The following SPTLC3 variants were observed in gnomAD, a reference collection of about 807,000 sequenced individuals.
The protein encoded by SPTLC3 is serine palmitoyltransferase 3.
Under a neutral mutation model 59.3 loss-of-function variants are expected in SPTLC3, and 36 were observed. That is an observed-to-expected ratio of 0.61 (90% CI 0.47 to 0.80). The LOEUF is 0.80. Among genes scored for constraint, SPTLC3 ranks in the 30% least tolerant of loss-of-function variants. The pLI is 0.00. For synonymous variants in SPTLC3, 257 were observed against 240.8 expected, an observed-to-expected ratio of 1.07 and a Z score of -0.62; for missense variants, 625 against 685.1, an observed-to-expected ratio of 0.91 and a Z score of 0.98.
chr20:13,101,825 C>CTG (rs1322436922), intron 6 of SPTLC3, among the ~76,000 whole-genome samples: 1 of 152,110 alleles, frequency 6.6e-6, no homozygotes, highest in Non-Finnish European at 1.5e-5. Flanking sequence ...CTCCTGGGTG[C>CTG]CGCTGCTGCT....
intron 2 of SPTLC3, among the ~76,000 whole-genome samples, chr20:13,067,998 C>A: frequency 6.6e-6 from 1 of 152,116 alleles, no homozygotes; most frequent in East Asian, 1.9e-4. Flanking sequence ...AAGCATCAAG[C>A]CTTGTAGCAG....
intron 1 of SPTLC3, among the ~76,000 whole-genome samples, chr20:13,038,044 G>A (rs6134752): frequency 0.47 from 61,969 of 132,578 alleles, 13,532 homozygotes; most frequent in Middle Eastern, 0.57. Flanking sequence ...AGAAAATCAT[G>A]AATATATATA....
intron 9 of SPTLC3, among the ~76,000 whole-genome samples, chr20:13,139,573 G>T (rs181151432): frequency 6.6e-6 from 1 of 152,260 alleles, no homozygotes; most frequent in East Asian, 1.9e-4. Flanking sequence ...CATTTTCAAG[G>T]GCCATGGCTG....
chr20:13,146,824 A>G (rs1600383086), intron 9 of SPTLC3, among the ~76,000 whole-genome samples: 1 of 152,170 alleles, frequency 6.6e-6, no homozygotes, highest in African/African-American at 2.4e-5. Context: ...TTCACGCCTC[A>G]TCATGAGCGA....
At chr20:13,079,993 G>T (rs1456173468) in intron 4 of SPTLC3, 3 of 252,120 alleles carry the variant, frequency 1.2e-5, no homozygotes, top group Non-Finnish European at 2.4e-5. Flanking sequence ...AACACCCACA[G>T]AAACCTGAAG....
chr20:13,049,452 A>C, intron 2 of SPTLC3: 1 of 240,688 alleles, frequency 4.2e-6, no homozygotes, highest in Non-Finnish European at 8.4e-6. Flanking sequence ...AAAATATAAA[A>C]GCAAGTGCTC....
intron 4 of SPTLC3, among the ~76,000 whole-genome samples, chr20:13,083,110 A>C (rs1304270941): frequency 1.3e-5 from 2 of 152,218 alleles, no homozygotes; most frequent in Non-Finnish European, 2.9e-5. Context: ...TTCTTCTCAT[A>C]GACAGGACAT....
chr20:13,089,322 A>G (rs1186091987), intron 4 of SPTLC3, among the ~76,000 whole-genome samples: 1 of 152,204 alleles, frequency 6.6e-6, no homozygotes, highest in East Asian at 1.9e-4. Context: ...GTTATGTTAT[A>G]TCATTCAGAA....
Position 13,168,771 on chromosome 20 carries a change from G to T in SPTLC3, c.*3904G>T, listed in dbSNP as rs528394957. The stretch of plus-strand genomic sequence containing the variant: ...ACAACAGCAATTAAGAACAGCATCT[G>T]GTGAATTCTTGGCAATGTTTCCTGG... On this transcript the variant is annotated 3_prime_UTR_variant, in exon 12 of 12. Coordinates refer to ENST00000399002, the MANE Select transcript of SPTLC3 (RefSeq NM_018327.4). 1 of 152,220 alleles carries T rather than the reference G, an allele frequency of 6.6e-6. No individual in the cohort carries two copies. The highest frequency in any genetic ancestry group is 2.1e-4 in the South Asian group (1 of 4,834). The allele number at this position is 152,220 out of a possible 1,614,324, so 9.4% of individuals were successfully genotyped here. A position where few individuals can be genotyped will look rare whatever the true frequency, so the allele number is the denominator to read the frequency against.
At position 13,121,861 on chromosome 20, in the gene SPTLC3, G is replaced by A. The variant is rs138746819; in HGVS notation, c.1152+4136G>A. On this transcript the variant is annotated intron_variant, in intron 8 of 11. Coordinates refer to ENST00000399002, the MANE Select transcript of SPTLC3 (RefSeq NM_018327.4). ...GGCAAGATAGTCTTAACATTAAAAA[G>A]AACCAGTGCTGCACCGATGAGGTAT... Among the ~76,000 whole-genome samples the A allele has an allele frequency of 8.5e-5, 13 of 152,294 alleles. No individual in the cohort carries two copies. In the East Asian group the frequency reaches 2.5e-3, roughly 29 times the overall value.
chr20:13,149,714 G>A (rs967253423), intron 9 of SPTLC3, among the ~76,000 whole-genome samples: 1 of 152,184 alleles, frequency 6.6e-6, no homozygotes, highest in Non-Finnish European at 1.5e-5. Context: ...AGATACCCCT[G>A]GATATCATCT....
chr20:13,140,666 T>C (rs2038360682), intron 9 of SPTLC3, among the ~76,000 whole-genome samples: 1 of 152,236 alleles, frequency 6.6e-6, no homozygotes, highest in Admixed American at 6.5e-5. Flanking sequence ...CTCTAAAGCT[T>C]AAATTTCTAT....
intron 9 of SPTLC3, among the ~76,000 whole-genome samples, chr20:13,153,688 A>G (rs768299890): frequency 6.6e-6 from 1 of 152,160 alleles, no homozygotes; most frequent in Non-Finnish European, 1.5e-5. Context: ...GATGTTTTTA[A>G]GGTACTTTGC....
intron 4 of SPTLC3, among the ~76,000 whole-genome samples, chr20:13,088,784 A>ATTTTTTTTT (rs375680092): frequency 1.3e-4 from 14 of 111,884 alleles, no homozygotes; most frequent in African/African-American, 1.5e-4. Context: ...GCACCCGGCT[A>ATTTTTTTTT]TTTTTTTTTT....
intron 1 of SPTLC3, among the ~76,000 whole-genome samples, chr20:13,046,568 C>A (rs1987241880): frequency 1.3e-5 from 2 of 152,130 alleles, no homozygotes; most frequent in South Asian, 2.1e-4. Flanking sequence ...AATTTTGTGT[C>A]CCTGTGATGC....
chr20:13,046,330 C>T (rs1447079486), intron 1 of SPTLC3, among the ~76,000 whole-genome samples: 2 of 152,190 alleles, frequency 1.3e-5, no homozygotes, highest in African/African-American at 2.4e-5. Flanking sequence ...GCAATCACCA[C>T]CCCCAAATTA....
intron 4 of SPTLC3, among the ~76,000 whole-genome samples, chr20:13,078,215 A>T (rs200432905): frequency 2.8e-4 from 15 of 53,594 alleles, no homozygotes; most frequent in Non-Finnish European, 4.4e-4. Flanking sequence ...ATAAGTAATA[A>T]TATAATATTA....
rs2038002337 is a variant in SPTLC3, at chr20:13,126,737, G to A, written c.1279+20G>A. The A allele has an allele frequency of 3.1e-6, 5 of 1,613,238 alleles. No individual in the cohort carries two copies. The South Asian group carries it at 4.4e-5, about 14-fold the overall frequency. ...CTCAAGGTAAGAGGATCTGCAGAGA[G>A]CACAGCTCCTGGACCTCTCTGTCTC... On this transcript the variant is annotated intron_variant, in intron 9 of 11. Transcript: ENST00000399002.
At chr20:13,036,944 G>C (rs1986762060) in intron 1 of SPTLC3, among the ~76,000 whole-genome samples, 1 of 152,118 alleles carries the variant, frequency 6.6e-6, no homozygotes, top group Non-Finnish European at 1.5e-5. Context: ...TTCTCTCATA[G>C]CAAGTCTAGT....
Sources: allele counts gnomAD v4.1 joint callset (sites outside exome capture counted in the v4.1 genomes callset), GRCh38; gene constraint gnomAD v4.1.1; transcripts MANE v1.5; gene names NCBI Gene and HGNC (gene_info 2026-07-23, HGNC 2026-07-21).